The following NOTCH2NLR variants were observed in gnomAD, a reference collection of about 807,000 sequenced individuals.
NOTCH2NLR encodes the protein notch 2 N-terminal like R (pseudogene).
NOTCH2NLR carries 33 observed loss-of-function variants against 35.6 expected under a neutral mutation model. The observed-to-expected ratio is 0.93, with a 90% CI of 0.70 to 1.24. NOTCH2NLR has a LOEUF of 1.24. Ranked by LOEUF, NOTCH2NLR falls within the 50% of genes most tolerant of loss-of-function variation. NOTCH2NLR has a pLI of 0.00. For synonymous variants in NOTCH2NLR, 103 were observed against 141.0 expected (o/e 0.73, Z 1.91); for missense variants, 276 against 362.2 (o/e 0.76, Z 1.93).
At position 120,749,745 on chromosome 1, in the gene NOTCH2NLR, T is replaced by C. The variant is rs1174754598; in HGVS notation, c.74-13883T>C. Among the ~76,000 whole-genome samples the C allele has an allele frequency of 4.0e-4, 10 of 25,226 alleles. 4 individuals carry two copies. The highest frequency in any genetic ancestry group is 6.0e-4 in the Non-Finnish European group (9 of 14,878). 16.5% of individuals were successfully genotyped at this position (25,226 alleles called of 152,430 possible). A position where few individuals can be genotyped will look rare whatever the true frequency, so the allele number is the denominator to read the frequency against. On this transcript the variant is annotated intron_variant, in intron 1 of 4. Transcript: ENST00000624419. ...CAGTCATAGGGTAGTTTTTTTTTTT[T>C]TTTCCTGGAGAAATAATGCATAGTG...
intron 1 of NOTCH2NLR, among the ~76,000 whole-genome samples, chr1:120,760,160 A>G (rs1246117971): frequency 1.7e-5 from 1 of 58,302 alleles, no homozygotes; most frequent in Non-Finnish European, 2.8e-5. Context: ...ATAGTATTCC[A>G]TTGTATATAT....
chr1:120,755,966 A>G (rs2101392009), intron 1 of NOTCH2NLR, among the ~76,000 whole-genome samples: 1 of 108,430 alleles, frequency 9.2e-6, no homozygotes, highest in Non-Finnish European at 1.7e-5. Flanking sequence ...CCTTTCAATC[A>G]AGACAAATTT....
rs1205206745 is a variant in NOTCH2NLR at position 120,737,786 on chromosome 1, C to T, written c.73+13536C>T. Among the ~76,000 whole-genome samples the T allele has an allele frequency of 8.7e-4, 106 of 122,214 alleles. 21 individuals are homozygous for T. The highest frequency in any genetic ancestry group is 2.0e-4 in the African/African-American group (5 of 25,212). 80.2% of individuals were successfully genotyped at this position (122,214 alleles called of 152,430 possible). A position where few individuals can be genotyped will look rare whatever the true frequency, so the allele number is the denominator to read the frequency against. On this transcript the variant is annotated intron_variant, in intron 1 of 4. Coordinates refer to ENST00000624419, the Ensembl canonical transcript of NOTCH2NLR. ...GTGGAGTTACTTTCTCAGAAAAGGG[C>T]TTTATATTTTAACATTTGTTTCCCT... is the stretch of plus-strand genomic sequence containing the variant.
At chr1:120,790,535 C>CCTTTGTTT in intron 3 of NOTCH2NLR, among the ~76,000 whole-genome samples, 1 of 76,630 alleles carries the variant, frequency 1.3e-5, no homozygotes, top group Non-Finnish European at 2.3e-5. Context: ...TTTCTCCCTC[C>CCTTTGTTT]CTTTCTTTCT....
At chr1:120,763,606 G>A in intron 1 of NOTCH2NLR, 22 bp from the exon 2 acceptor site, 1 of 1,131,778 alleles carries the variant, frequency 8.8e-7, no homozygotes, top group Non-Finnish European at 1.2e-6. Flanking sequence ...TACTTCTAAT[G>A]TGCATTTGTT....
At chr1:120,752,555 T>TATA (rs1286857308) in intron 1 of NOTCH2NLR, among the ~76,000 whole-genome samples, 15 of 6,596 alleles carry the variant, frequency 2.3e-3, no homozygotes, top group South Asian at 0.013. Context: ...TATATATATA[T>TATA]TTTTTTTTTT....
chr1:120,790,010 CTTTTTTTTTTT>C lies in NOTCH2NLR; in HGVS notation c.416-3137_416-3127del, dbSNP rs1174501165. Among the ~76,000 whole-genome samples, 5 of 34,940 alleles carry C rather than the reference CTTTTTTTTTTT, an allele frequency of 1.4e-4. 1 individual carries two copies. The highest frequency in any genetic ancestry group is 2.0e-4 in the Non-Finnish European group (4 of 19,936). 22.9% of individuals were successfully genotyped at this position (34,940 alleles called of 152,430 possible). A position where few individuals can be genotyped will look rare whatever the true frequency, so the allele number is the denominator to read the frequency against. ...GTGTGTTCTGCAAGATTCTGATCACCTTTTTTTTTTTTTTTTTTTTTTTTGAGATGGAGTAT... is the reference window on the plus strand; with the variant it reads ...GTGTGTTCTGCAAGATTCTGATCACCTTTTTTTTTTTTTGAGATGGAGTAT... On this transcript the variant is annotated intron_variant, in intron 3 of 4. Coordinates refer to ENST00000624419, the Ensembl canonical transcript of NOTCH2NLR.
rs1353469589 is a variant in NOTCH2NLR, at chr1:120,745,134, C to A, written c.74-18494C>A. On this transcript the variant is annotated intron_variant, in intron 1 of 4. Transcript: ENST00000624419. ...GATCCTGTCTCCAAAAAAAAAAAAACAAAAAAAAAACAAAAAAAAGTGGTA... is the reference window on the plus strand; with the variant it reads ...GATCCTGTCTCCAAAAAAAAAAAAAAAAAAAAAAAACAAAAAAAAGTGGTA... Among the ~76,000 whole-genome samples the A allele has an allele frequency of 1.4e-3, 119 of 82,256 alleles. 15 individuals are homozygous for A. The highest frequency in any genetic ancestry group is 5.5e-3 in the African/African-American group (66 of 11,974). 54.0% of individuals were successfully genotyped at this position (82,256 alleles called of 152,430 possible).
intron 1 of NOTCH2NLR, among the ~76,000 whole-genome samples, chr1:120,745,782 C>T (rs1423288081): frequency 4.6e-5 from 2 of 43,916 alleles, no homozygotes; most frequent in East Asian, 9.0e-4. Flanking sequence ...CGCCATTGCA[C>T]TCCAACCTGG....
At chr1:120,766,030 C>T (rs1279935618) in intron 2 of NOTCH2NLR, among the ~76,000 whole-genome samples, 1 of 32,146 alleles carries the variant, frequency 3.1e-5, no homozygotes, top group African/African-American at 4.0e-4. Context: ...ACCTAATGCA[C>T]GTGGGGCTTA....
In NOTCH2NLR at chr1:120,781,799, C is replaced by G. The variant is rs1366292829; in HGVS notation, c.156-3175C>G. Among the ~76,000 whole-genome samples the G allele has an allele frequency of 6.8e-5, 8 of 117,124 alleles. 3 individuals are homozygous for G. The highest frequency in any genetic ancestry group is 3.7e-4 in the African/African-American group (8 of 21,370). The allele number at this position is 117,124 out of a possible 152,430, so 76.8% of individuals were successfully genotyped here. A position where few individuals can be genotyped will look rare whatever the true frequency, so the allele number is the denominator to read the frequency against. On this transcript the variant is annotated intron_variant, in intron 2 of 4. Coordinates refer to ENST00000624419, the Ensembl canonical transcript of NOTCH2NLR. ...GGTCTCGATCTCCTGACCTGGTGATCTGCCTGCCTCGGCCTCCCAAAGTGC... is the reference window on the plus strand; with the variant it reads ...GGTCTCGATCTCCTGACCTGGTGATGTGCCTGCCTCGGCCTCCCAAAGTGC...
At chr1:120,727,352 A>G in intron 1 of NOTCH2NLR, among the ~76,000 whole-genome samples, 1 of 112,926 alleles carries the variant, frequency 8.9e-6, no homozygotes, top group East Asian at 2.2e-4. Context: ...AAATTTCCAT[A>G]ACAAATGTAA....
At chr1:120,778,055 C>T (rs1430118546) in intron 2 of NOTCH2NLR, among the ~76,000 whole-genome samples, 2 of 88,716 alleles carry the variant, frequency 2.3e-5, no homozygotes, top group Non-Finnish European at 4.0e-5. Context: ...CTAGCCTTGG[C>T]TGTTAGCAAT....
At chr1:120,769,641 T>A (rs1354949125) in intron 2 of NOTCH2NLR, among the ~76,000 whole-genome samples, 1 of 121,534 alleles carries the variant, frequency 8.2e-6, no homozygotes, top group Admixed American at 7.8e-5. Flanking sequence ...TGTGTTCAGG[T>A]TTTATTAATT....
chr1:120,789,989 G>T lies in NOTCH2NLR; in HGVS notation c.416-3172G>T, dbSNP rs1268009676. On this transcript the variant is annotated intron_variant, in intron 3 of 4. Transcript: ENST00000624419. The stretch of plus-strand genomic sequence containing the variant: ...GTTAAGAAGGATCTCTTCTTGGTGT[G>T]TTCTGCAAGATTCTGATCACCTTTT... Among the ~76,000 whole-genome samples, 22 of 71,504 alleles carry T rather than the reference G, an allele frequency of 3.1e-4. 4 individuals are homozygous for T. Among genetic ancestry groups the T allele is most frequent in the Non-Finnish European group, 4.4e-4 (18 of 41,360 alleles). The allele number at this position is 71,504 out of a possible 152,430, so 46.9% of individuals were successfully genotyped here.
At chr1:120,765,622 A>G (rs1374284619) in intron 2 of NOTCH2NLR, among the ~76,000 whole-genome samples, 3 of 72,256 alleles carry the variant, frequency 4.2e-5, no homozygotes, top group Non-Finnish European at 7.8e-5. Flanking sequence ...CAGCAATCCC[A>G]TTACTGAGTA....
chr1:120,724,817 G>A (rs1390181620), intron 1 of NOTCH2NLR, among the ~76,000 whole-genome samples: 1 of 94,500 alleles, frequency 1.1e-5, no homozygotes, highest in Non-Finnish European at 2.0e-5. Context: ...CAACCCCACC[G>A]AAAGTCCGGG....
rs1484202311 is a variant in NOTCH2NLR at position 120,777,711 on chromosome 1, G to A, written c.156-7263G>A. Among the ~76,000 whole-genome samples the A allele has an allele frequency of 1.3e-4, 11 of 81,984 alleles. 4 individuals carry two copies. The highest frequency in any genetic ancestry group is 1.0e-3 in the African/African-American group (11 of 10,896). 53.8% of individuals were successfully genotyped at this position (81,984 alleles called of 152,430 possible). ...GAGAGTAGAGTGGGAATGGCAAGAA[G>A]TAGTATGACAGAGCTTCTTCTCTTT... On this transcript the variant is annotated intron_variant, in intron 2 of 4. Coordinates refer to ENST00000624419, the Ensembl canonical transcript of NOTCH2NLR.
chr1:120,792,568 C>T (rs1186267052), intron 3 of NOTCH2NLR, among the ~76,000 whole-genome samples: 1 of 110,324 alleles, frequency 9.1e-6, no homozygotes, highest in Non-Finnish European at 1.7e-5. Context: ...GTGGTACAAT[C>T]TCGGCTCACT....
Sources: gnomAD v4.1 joint callset for allele counts (sites outside exome capture counted in the v4.1 genomes callset) on GRCh38, gnomAD v4.1.1 for gene constraint, MANE v1.5 for transcripts, NCBI Gene and HGNC (gene_info 2026-07-23, HGNC 2026-07-21) for gene names.